Variants in ZCCHC7 observed in about 807,000 individuals in gnomAD.
The protein encoded by ZCCHC7 is zinc finger CCHC domain-containing protein 7.
A neutral mutation model predicts 52.0 loss-of-function variants in ZCCHC7; 35 were observed. The observed-to-expected ratio is 0.67, with a 90% CI of 0.51 to 0.89. The LOEUF (loss-of-function observed/expected upper bound fraction) is 0.89, where lower values mean the gene tolerates loss of function less well. ZCCHC7 is among the 40% of genes least tolerant of loss of function. The probability of loss-of-function intolerance (pLI) is 0.00; values close to 1 mark genes in which losing one functional copy is unlikely to be tolerated. For missense variants in ZCCHC7, 574 were observed against 649.1 expected, an observed-to-expected ratio of 0.88 and a Z score of 1.26; for synonymous variants, 217 against 221.5, an observed-to-expected ratio of 0.98 and a Z score of 0.18.
Position 37,171,216 on chromosome 9 carries a change from C to T in ZCCHC7, c.610+44274C>T, listed in dbSNP as rs34378401. Among the ~76,000 whole-genome samples, 860 of 152,210 alleles carry T rather than the reference C, an allele frequency of 5.7e-3. 2 individuals carry two copies. Among genetic ancestry groups the T allele is most frequent in the Middle Eastern group, 0.01 (3 of 294 alleles). The stretch of plus-strand genomic sequence containing the variant: ...CCTGTTAAGTTCTTTTACTTATTTG[C>T]TCTTTCATTGGCCCTTGTATGTGTA... On this transcript the variant is annotated intron_variant, in intron 2 of 8. Transcript: ENST00000336755.
chr9:37,331,581 T>C (rs1385302898), intron 6 of ZCCHC7, among the ~76,000 whole-genome samples: 3 of 151,642 alleles, frequency 2.0e-5, no homozygotes, highest in Non-Finnish European at 4.4e-5. Flanking sequence ...AGACTATAGC[T>C]ATGCAAAAGC....
At chr9:37,278,845 T>C (rs1827813244) in intron 2 of ZCCHC7, among the ~76,000 whole-genome samples, 1 of 152,134 alleles carries the variant, frequency 6.6e-6, no homozygotes, top group African/African-American at 2.4e-5. Context: ...CCGGCAGAAA[T>C]ATCCCACAGG....
At chr9:37,233,363 C>A (rs1331261537) in intron 2 of ZCCHC7, among the ~76,000 whole-genome samples, 1 of 152,148 alleles carries the variant, frequency 6.6e-6, no homozygotes, top group African/African-American at 2.4e-5. Context: ...AAATTGTGAA[C>A]TACTTTCTCT....
chr9:37,225,426 C>G (rs1396463476), intron 2 of ZCCHC7, among the ~76,000 whole-genome samples: 1 of 152,068 alleles, frequency 6.6e-6, no homozygotes, highest in East Asian at 1.9e-4. Flanking sequence ...TATAAGGTAA[C>G]ACTTCCAAAC....
intron 2 of ZCCHC7, among the ~76,000 whole-genome samples, chr9:37,129,536 T>G (rs1842686469): frequency 6.6e-6 from 1 of 152,220 alleles, no homozygotes; most frequent in Non-Finnish European, 1.5e-5. Flanking sequence ...CATAAAACTA[T>G]CTGGGGATAG....
intron 2 of ZCCHC7, among the ~76,000 whole-genome samples, chr9:37,156,537 A>T (rs755231013): frequency 1.3e-5 from 2 of 152,224 alleles, no homozygotes; most frequent in Non-Finnish European, 2.9e-5. Flanking sequence ...AATTCTTTTC[A>T]TAGCAGGATA....
chr9:37,336,467 T>G (rs563231555), intron 6 of ZCCHC7, among the ~76,000 whole-genome samples: 1 of 152,214 alleles, frequency 6.6e-6, no homozygotes, highest in East Asian at 1.9e-4. Flanking sequence ...TTAAGAGTAT[T>G]ACAGTGGAAT....
At chr9:37,276,343 T>G (rs958591577) in intron 2 of ZCCHC7, among the ~76,000 whole-genome samples, 1 of 152,220 alleles carries the variant, frequency 6.6e-6, no homozygotes, top group Non-Finnish European at 1.5e-5. Context: ...TTTTTTGTTT[T>G]ATTTTGTTTC....
intron 2 of ZCCHC7, among the ~76,000 whole-genome samples, chr9:37,236,674 G>A (rs1454289612): frequency 2.6e-5 from 4 of 152,154 alleles, no homozygotes; most frequent in Admixed American, 1.3e-4. Context: ...GATTGCAGGC[G>A]TGAGCCACTG....
intron 2 of ZCCHC7, among the ~76,000 whole-genome samples, chr9:37,288,543 A>G (rs893295942): frequency 2.6e-5 from 4 of 151,996 alleles, no homozygotes; most frequent in African/African-American, 7.2e-5. Context: ...ACATTTGTCT[A>G]TATTTACTGC....
At chr9:37,134,631 A>T (rs1433802733) in intron 2 of ZCCHC7, among the ~76,000 whole-genome samples, 1 of 152,198 alleles carries the variant, frequency 6.6e-6, no homozygotes, top group South Asian at 2.1e-4. Flanking sequence ...CCTTCCCCTT[A>T]TGAGTAATCA....
intron 2 of ZCCHC7, among the ~76,000 whole-genome samples, chr9:37,208,246 G>A (rs141698946): frequency 0.051 from 7,706 of 152,058 alleles, 642 homozygotes; most frequent in African/African-American, 0.17. Flanking sequence ...CACCACACGC[G>A]GCTAATTTTT....
At position 37,334,713 on chromosome 9, in the gene ZCCHC7, T is replaced by C. The variant is rs545517225; in HGVS notation, c.987+6879T>C. Among the ~76,000 whole-genome samples, 5 of 152,112 alleles carry C rather than the reference T, an allele frequency of 3.3e-5. No homozygotes were observed. In the East Asian group the frequency reaches 9.7e-4, roughly 29 times the overall value. On this transcript the variant is annotated intron_variant, in intron 6 of 8. Coordinates refer to ENST00000336755, the MANE Select transcript of ZCCHC7 (RefSeq NM_032226.3). ...TTATAAGTATTTTCTTCCAGCTATTTTGAGTTGGTGCAATGATCCTCCAAG... is the reference window on the plus strand; with the variant it reads ...TTATAAGTATTTTCTTCCAGCTATTCTGAGTTGGTGCAATGATCCTCCAAG...
At chr9:37,248,772 T>G (rs1234631263) in intron 2 of ZCCHC7, among the ~76,000 whole-genome samples, 5 of 152,312 alleles carry the variant, frequency 3.3e-5, no homozygotes, top group Non-Finnish European at 7.3e-5. Context: ...CTTTCCTGAT[T>G]TTACTGCTTT....
At chr9:37,194,937 T>A (rs559209025) in intron 2 of ZCCHC7, among the ~76,000 whole-genome samples, 56 of 151,350 alleles carry the variant, frequency 3.7e-4, no homozygotes, top group African/African-American at 1.3e-3. Context: ...TTTCTTGGAT[T>A]CTCTTTTTTC....
In ZCCHC7 at chr9:37,225,150, C is replaced by T. The variant is rs180703896; in HGVS notation, c.611-77038C>T. 2.6e-5 allele frequency among the ~76,000 whole-genome samples: 4 copies of T among 152,274 alleles called. No homozygotes were observed. In the East Asian group the frequency reaches 7.7e-4, roughly 29 times the overall value. On this transcript the variant is annotated intron_variant, in intron 2 of 8. Transcript: ENST00000336755. ...AATGAAAGAAGACATAAATTACCAT[C>T]ATTAGTAATGCAAGGAGGAACATCA...
At chr9:37,267,566 CTTTTTT>C (rs983055913) in intron 2 of ZCCHC7, among the ~76,000 whole-genome samples, 4 of 115,292 alleles carry the variant, frequency 3.5e-5, no homozygotes, top group Non-Finnish European at 7.1e-5. Context: ...CTAATTTTTT[CTTTTTT>C]TTTTTTTTTT....
Position 37,271,054 on chromosome 9 carries a change from AC to A in ZCCHC7, c.611-31132del, listed in dbSNP as rs534428286. On this transcript the variant is annotated intron_variant, in intron 2 of 8. Coordinates refer to ENST00000336755, the MANE Select transcript of ZCCHC7 (RefSeq NM_032226.3). ...CAAATGAAAAAGGAATAGTTTGAAC[AC>A]CACATTTTGCAACTCCTAATGAAAT... Among the ~76,000 whole-genome samples the A allele has an allele frequency of 1.6e-3, 246 of 152,332 alleles. 1 individual carries two copies. The highest frequency in any genetic ancestry group is 5.7e-3 in the African/African-American group (236 of 41,584).
chr9:37,204,485 G>T (rs1208462699), intron 2 of ZCCHC7, among the ~76,000 whole-genome samples: 1 of 152,054 alleles, frequency 6.6e-6, no homozygotes, highest in East Asian at 1.9e-4. Context: ...ATTTTTGTAT[G>T]AAGTGTAAAG....
Sources: allele counts gnomAD v4.1 joint callset (sites outside exome capture counted in the v4.1 genomes callset), GRCh38; gene constraint gnomAD v4.1.1; transcripts MANE v1.5; gene names NCBI Gene and HGNC (gene_info 2026-07-23, HGNC 2026-07-21).